WDPCP: variants seen among roughly 807,000 people sequenced by gnomAD.
WDPCP encodes the protein WD repeat containing planar cell polarity effector, also known as WD repeat-containing and planar cell polarity effector protein fritz homolog.
A neutral mutation model predicts 93.1 loss-of-function variants in WDPCP; 71 were observed. The observed-to-expected ratio is 0.76, with a 90% CI of 0.63 to 0.93. The LOEUF (loss-of-function observed/expected upper bound fraction) is 0.93, where lower values mean the gene tolerates loss of function less well. Ranked by LOEUF, WDPCP falls within the 40% of genes least tolerant of loss-of-function variation. WDPCP has a pLI of 0.00. For synonymous variants in WDPCP, 315 were observed against 315.0 expected (o/e 1.00, Z 0.00); for missense variants, 844 against 887.4 (o/e 0.95, Z 0.62).
the WDPCP span, among the ~76,000 whole-genome samples, chr2:63,837,764 C>T: frequency 1.3e-5 from 2 of 152,198 alleles, no homozygotes; most frequent in African/African-American, 2.4e-5. Context: ...ACTTAAAAAA[C>T]GTTATCTCTA....
intron 3 of WDPCP, among the ~76,000 whole-genome samples, chr2:63,604,429 ATAAGT>A (rs1280100037): frequency 1.3e-5 from 2 of 152,232 alleles, no homozygotes; most frequent in Admixed American, 6.5e-5. Flanking sequence ...TACTGTACTA[ATAAGT>A]TAACCACAAA....
chr2:63,722,638 G>A (rs1425176364), intron 2 of WDPCP, among the ~76,000 whole-genome samples: 10 of 106,962 alleles, frequency 9.3e-5, no homozygotes, highest in Admixed American at 2.6e-4. Context: ...CCGGCCAGCC[G>A]CCCCGTCCGG....
At chr2:63,147,582 G>A (rs547870756) in intron 17 of WDPCP, among the ~76,000 whole-genome samples, 24 of 152,110 alleles carry the variant, frequency 1.6e-4, no homozygotes, top group Non-Finnish European at 3.4e-4. Flanking sequence ...TTTTGCCTAC[G>A]TTATTTTAAA....
chr2:63,147,246 G>A (rs1231698105), intron 17 of WDPCP, among the ~76,000 whole-genome samples: 1 of 152,248 alleles, frequency 6.6e-6, no homozygotes, highest in Admixed American at 6.5e-5. Flanking sequence ...GCAGCATTGT[G>A]GAGGCTAGAT....
chr2:63,436,580 A>G (rs1697149075), intron 8 of WDPCP, among the ~76,000 whole-genome samples: 1 of 152,060 alleles, frequency 6.6e-6, no homozygotes, highest in South Asian at 2.1e-4. Context: ...CAGATGCTCT[A>G]GGTATGGCAT....
chr2:63,724,227 CAG>C (rs1575758688), intron 2 of WDPCP, among the ~76,000 whole-genome samples: 6 of 152,158 alleles, frequency 3.9e-5, no homozygotes, highest in Middle Eastern at 6.8e-3. Flanking sequence ...CCTTTAACAA[CAG>C]AACAAAAATG....
intron 17 of WDPCP, among the ~76,000 whole-genome samples, chr2:63,134,657 A>C (rs1046261949): frequency 3.9e-5 from 6 of 152,236 alleles, no homozygotes; most frequent in Non-Finnish European, 7.3e-5. Flanking sequence ...TCACATATGC[A>C]AATTGCTTCA....
At chr2:63,140,036 G>T (rs1574703181) in intron 17 of WDPCP, among the ~76,000 whole-genome samples, 1 of 152,286 alleles carries the variant, frequency 6.6e-6, no homozygotes, top group East Asian at 1.9e-4. Flanking sequence ...CATGTGGCTA[G>T]CCAATTATCC....
chr2:63,566,649 A>T (rs1707083069), intron 1 of WDPCP, among the ~76,000 whole-genome samples: 1 of 152,196 alleles, frequency 6.6e-6, no homozygotes, highest in African/African-American at 2.4e-5. Flanking sequence ...GTCCACACCA[A>T]GCAATTCTCC....
At chr2:63,177,365 C>T (rs983986638) in intron 14 of WDPCP, among the ~76,000 whole-genome samples, 8 of 152,168 alleles carry the variant, frequency 5.3e-5, no homozygotes, top group African/African-American at 1.9e-4. Flanking sequence ...TGAAGTATTC[C>T]AATCCATGAA....
chr2:63,473,791 A>G (rs1384530634), intron 6 of WDPCP, among the ~76,000 whole-genome samples: 1 of 152,144 alleles, frequency 6.6e-6, no homozygotes, highest in African/African-American at 2.4e-5. Flanking sequence ...TTAATTACCC[A>G]TGTTTAATGG....
rs72808209 is a variant in WDPCP at position 63,743,425 on chromosome 2, C to A, written n.308+70197G>T. On this transcript the variant is annotated intron_variant and non_coding_transcript_variant, in intron 2 of 4. Coordinates refer to the WDPCP transcript ENST00000467687. ...AGCTGCTGGAAAGATTTGCTAATTC[C>A]TTTGAATAGCTTGTGACATTATCTA... 8.4e-3 allele frequency among the ~76,000 whole-genome samples: 1,272 copies of A among 152,126 alleles called. 7 individuals carry two copies. The highest frequency in any genetic ancestry group is 0.01 in the Non-Finnish European group (681 of 67,968).
chr2:63,653,006 A>G (rs1273278483), intron 2 of WDPCP, among the ~76,000 whole-genome samples: 3 of 111,864 alleles, frequency 2.7e-5, no homozygotes, highest in Non-Finnish European at 5.2e-5. Flanking sequence ...CAGTACTATG[A>G]TGTTCAAGAG....
chr2:63,394,782 C>A (rs924722405), intron 10 of WDPCP, among the ~76,000 whole-genome samples: 4 of 151,984 alleles, frequency 2.6e-5, no homozygotes, highest in African/African-American at 9.7e-5. Flanking sequence ...TGAAATAACA[C>A]AGGAATAGAA....
chr2:63,273,110 AC>A (rs1324487310), intron 13 of WDPCP, among the ~76,000 whole-genome samples: 1 of 152,210 alleles, frequency 6.6e-6, no homozygotes, highest in African/African-American at 2.4e-5. Flanking sequence ...AAGAAAAAAA[AC>A]ATGTCAGCCA....
At chr2:63,638,582 G>C (rs1467052798) in intron 3 of WDPCP, among the ~76,000 whole-genome samples, 1 of 152,098 alleles carries the variant, frequency 6.6e-6, no homozygotes, top group Non-Finnish European at 1.5e-5. Context: ...TTGAGGCCTG[G>C]ATTATGAGAC....
Position 63,487,448 on chromosome 2 carries a change from T to C in WDPCP, c.207A>G (p.Pro69=). ...AATTGCACAGAATAGGTACTTTACC[T>C]GGTGGATCTTTCTTGTCATAATACT... ...IYQYYDKKDP[P]ATEHGNLEKK... The change falls in exon 3 of 18, where the codon CCA becomes CCG. Residue 69 remains proline (P), a splice_region_variant and synonymous_variant. Coordinates refer to ENST00000272321, the MANE Select transcript of WDPCP (RefSeq NM_015910.7). 3 of 1,588,500 alleles carry C rather than the reference T, an allele frequency of 1.9e-6. No homozygotes were observed. The highest frequency in any genetic ancestry group is 2.6e-6 in the Non-Finnish European group (3 of 1,158,368).
chr2:63,543,132 A>G (rs1427658962), intron 1 of WDPCP, among the ~76,000 whole-genome samples: 1 of 152,182 alleles, frequency 6.6e-6, no homozygotes, highest in Non-Finnish European at 1.5e-5. Context: ...TTAATGGAAA[A>G]TAAGTTTTAA....
intron 2 of WDPCP, among the ~76,000 whole-genome samples, chr2:63,794,661 T>C (rs990758857): frequency 2.0e-5 from 3 of 152,212 alleles, no homozygotes; most frequent in Non-Finnish European, 4.4e-5. Flanking sequence ...CCAAGGCCTA[T>C]TCTACCTCTA....
Sources: gnomAD v4.1 joint callset for allele counts (sites outside exome capture counted in the v4.1 genomes callset) on GRCh38, gnomAD v4.1.1 for gene constraint, MANE v1.5 for transcripts, NCBI Gene and HGNC (gene_info 2026-07-23, HGNC 2026-07-21) for gene names.